The following FAF1 variants were observed in gnomAD, a reference collection of about 807,000 sequenced individuals.
The protein encoded by FAF1 is Fas associated factor 1, also known as FAS-associated factor 1.
In FAF1, 25 loss-of-function variants were observed where a neutral mutation model predicts 92.5. The observed-to-expected ratio is 0.27, with a 90% CI of 0.20 to 0.38. The LOEUF is 0.38. FAF1 is among the 10% of genes least tolerant of loss of function. The pLI, the probability that FAF1 is intolerant of heterozygous loss-of-function variation, is 1.00. For synonymous variants in FAF1, 234 were observed against 273.2 expected (o/e 0.86, Z 1.42); for missense variants, 636 against 793.3 (o/e 0.80, Z 2.38).
chr1:50,688,978 G>C (rs1467634757), intron 7 of FAF1, among the ~76,000 whole-genome samples: 1 of 152,148 alleles, frequency 6.6e-6, no homozygotes, highest in East Asian at 1.9e-4. Context: ...GTTACATTAA[G>C]AATTTGACAG....
chr1:50,702,541 C>G (rs1657518686), intron 7 of FAF1, among the ~76,000 whole-genome samples: 1 of 152,050 alleles, frequency 6.6e-6, no homozygotes, highest in Admixed American at 6.6e-5. Flanking sequence ...TTTAAGACTA[C>G]TTGCAACTCT....
intron 7 of FAF1, among the ~76,000 whole-genome samples, chr1:50,698,081 G>A (rs1406245967): frequency 6.6e-6 from 1 of 152,082 alleles, no homozygotes; most frequent in African/African-American, 2.4e-5. Flanking sequence ...AATATGCCAA[G>A]TCTTGGTCCA....
chr1:50,765,237 A>T (rs1385600404), intron 4 of FAF1, among the ~76,000 whole-genome samples: 2 of 152,198 alleles, frequency 1.3e-5, no homozygotes, highest in Non-Finnish European at 2.9e-5. Context: ...AGTTGGCTAC[A>T]CTCCAATAAA....
intron 6 of FAF1, among the ~76,000 whole-genome samples, chr1:50,722,249 G>A (rs1032455716): frequency 5.9e-5 from 9 of 152,154 alleles, no homozygotes; most frequent in African/African-American, 2.2e-4. Context: ...AGATTGAAAT[G>A]AGACTTTATG....
chr1:50,569,386 G>C (rs938348404), intron 12 of FAF1, among the ~76,000 whole-genome samples: 4 of 152,138 alleles, frequency 2.6e-5, no homozygotes, highest in African/African-American at 7.2e-5. Flanking sequence ...CAAGAACACT[G>C]ATACAAGCCA....
At chr1:50,553,178 A>G (rs558768740) in intron 13 of FAF1, among the ~76,000 whole-genome samples, 2 of 152,324 alleles carry the variant, frequency 1.3e-5, no homozygotes, top group South Asian at 4.1e-4. Flanking sequence ...GAGATAAAAA[A>G]ATCTTTAAGA....
intron 15 of FAF1, among the ~76,000 whole-genome samples, chr1:50,498,667 T>A (rs759224847): frequency 6.6e-6 from 1 of 152,056 alleles, no homozygotes. Flanking sequence ...CTGACCAATA[T>A]GGTGAAACCC....
At chr1:50,729,030 CTATCTATATATATATATATA>C (rs1658790954) in intron 6 of FAF1, among the ~76,000 whole-genome samples, 1 of 74,524 alleles carries the variant, frequency 1.3e-5, no homozygotes, top group Non-Finnish European at 2.5e-5. Flanking sequence ...ATCTATCTAT[CTATCTATATATATATATATA>C]TATATATATT....
intron 10 of FAF1, 49 bp downstream of exon 10, chr1:50,584,627 GTTTGTGTAC>G: frequency 3.2e-6 from 5 of 1,542,378 alleles, no homozygotes; most frequent in Non-Finnish European, 4.4e-6. Flanking sequence ...TTCTTCATAA[GTTTGTGTAC>G]TAGAAGAAAG....
At chr1:50,836,170 G>GTTTTTTTTTTTTTTTGTTTTTTT (rs1644201025) in intron 2 of FAF1, among the ~76,000 whole-genome samples, 1 of 98,526 alleles carries the variant, frequency 1.0e-5, no homozygotes, top group African/African-American at 4.3e-5. Context: ...TTTTGTTTCT[G>GTTTTTTTTTTTTTTTGTTTTTTT]TTTTTTTTTT....
At chr1:50,934,038 C>T (rs577108295) in intron 1 of FAF1, among the ~76,000 whole-genome samples, 69 of 152,338 alleles carry the variant, frequency 4.5e-4, no homozygotes, top group African/African-American at 1.6e-3. Flanking sequence ...GGTAGGGACA[C>T]AGCCAAACCA....
chr1:50,706,442 C>G (rs1354987509), intron 6 of FAF1, among the ~76,000 whole-genome samples: 2 of 152,098 alleles, frequency 1.3e-5, no homozygotes, highest in Non-Finnish European at 2.9e-5. Context: ...AATTTAGAAA[C>G]TGGAGAAATC....
In FAF1 at chr1:50,708,233, C is replaced by T. The variant is rs1657771290; in HGVS notation, c.552-2342G>A. ...GGGGGTAGGGAGAGCAGACAGGAGG[C>T]TGGTTCAGGAAAGAAGTGACAGTAG... On this transcript the variant is annotated intron_variant, in intron 6 of 18. Coordinates refer to ENST00000396153, the MANE Select transcript of FAF1 (RefSeq NM_007051.3). Among the ~76,000 whole-genome samples the T allele has an allele frequency of 3.3e-5, 5 of 152,264 alleles. No individual in the cohort carries two copies. In the South Asian group the frequency reaches 1.0e-3, roughly 32 times the overall value.
chr1:50,823,849 A>G (rs1644068361), intron 2 of FAF1, among the ~76,000 whole-genome samples: 1 of 152,162 alleles, frequency 6.6e-6, no homozygotes, highest in South Asian at 2.1e-4. Context: ...TCCCAATATA[A>G]ATAGTCCCAT....
chr1:50,681,343 G>A (rs1187559512), intron 7 of FAF1, among the ~76,000 whole-genome samples: 1 of 151,844 alleles, frequency 6.6e-6, no homozygotes, highest in African/African-American at 2.4e-5. Context: ...CACTGTGCCT[G>A]GCCTAATTAA....
chr1:50,774,096 T>A (rs1306630408), intron 4 of FAF1, among the ~76,000 whole-genome samples: 1 of 152,216 alleles, frequency 6.6e-6, no homozygotes, highest in Non-Finnish European at 1.5e-5. Context: ...GAGTACACAA[T>A]TGATGGCACG....
chr1:50,888,862 G>A (rs1048122864), intron 1 of FAF1, among the ~76,000 whole-genome samples: 1 of 152,166 alleles, frequency 6.6e-6, no homozygotes, highest in African/African-American at 2.4e-5. Flanking sequence ...TTGGTATCAG[G>A]ATGATGCTGG....
chr1:50,458,152 G>A (rs189231481), intron 18 of FAF1, among the ~76,000 whole-genome samples: 2 of 152,152 alleles, frequency 1.3e-5, no homozygotes, highest in African/African-American at 4.8e-5. Context: ...GGCAGAGGTT[G>A]CAGTGAGCTG....
chr1:50,891,707 A>T (rs1306143612), intron 1 of FAF1, among the ~76,000 whole-genome samples: 1 of 152,142 alleles, frequency 6.6e-6, no homozygotes, highest in Non-Finnish European at 1.5e-5. Context: ...CTGCCTGATG[A>T]TTCCTCTTGA....
Sources: gnomAD v4.1 joint callset for allele counts (sites outside exome capture counted in the v4.1 genomes callset) on GRCh38, gnomAD v4.1.1 for gene constraint, MANE v1.5 for transcripts, NCBI Gene and HGNC (gene_info 2026-07-23, HGNC 2026-07-21) for gene names.